The following PDE6A variants were observed in gnomAD, a reference collection of about 807,000 sequenced individuals.
PDE6A encodes rod cGMP-specific 3',5'-cyclic phosphodiesterase subunit alpha.
A neutral mutation model predicts 106.3 loss-of-function variants in PDE6A; 84 were observed. That is an observed-to-expected ratio of 0.79 (90% CI 0.66 to 0.95). The LOEUF (loss-of-function observed/expected upper bound fraction) is 0.95. Among genes scored for constraint, PDE6A ranks in the 40% least tolerant of loss-of-function variants. The pLI, the probability that PDE6A is intolerant of heterozygous loss-of-function variation, is 0.00. For synonymous variants in PDE6A, 394 were observed against 386.6 expected, an observed-to-expected ratio of 1.02 and a Z score of -0.23; for missense variants, 1,052 against 1,084.9, an observed-to-expected ratio of 0.97 and a Z score of 0.43.
rs1760400486 is a variant in PDE6A at position 149,868,134 on chromosome 5, A to G, written c.2160T>C (p.Asp720=). The change falls in exon 18 of 22, where the codon GAT becomes GAC. Residue 720 remains aspartate, a synonymous_variant. Coordinates refer to ENST00000255266, the MANE Select transcript of PDE6A (RefSeq NM_000440.3). ...IVMAMMMTAC[D]LSAITKPWEV... is the part of the protein sequence containing the mutation. ...CCCAGGGTTTGGTGATGGCTGAGAG[A>G]TCACAGGCGGTCATCATCATGGCCC... The G allele has an allele frequency of 6.2e-7, 1 of 1,614,022 alleles. No homozygotes were observed. The highest frequency in any genetic ancestry group is 8.5e-7 in the Non-Finnish European group (1 of 1,180,024).
chr5:149,940,033 A>G (rs1234091463), intron 1 of PDE6A: 1 of 147,518 alleles, frequency 6.8e-6, no homozygotes, highest in African/African-American at 2.5e-5. Flanking sequence ...TTCTTTTTTT[A>G]GGCTAGTCGA....
intron 14 of PDE6A, among the ~76,000 whole-genome samples, chr5:149,885,465 C>A (rs779819222): frequency 6.6e-6 from 1 of 152,234 alleles, no homozygotes; most frequent in East Asian, 1.9e-4. Context: ...GGTTCAAGGA[C>A]TATGCTTTAT....
intron 3 of PDE6A, chr5:149,932,646 G>A (rs1754075608): frequency 6.2e-7 from 1 of 1,613,212 alleles, no homozygotes; most frequent in Non-Finnish European, 8.5e-7. Context: ...CATTTCGTAC[G>A]AATTCGACTA....
intron 17 of PDE6A, among the ~76,000 whole-genome samples, chr5:149,883,109 C>T (rs545436378): frequency 2.0e-5 from 3 of 152,160 alleles, no homozygotes; most frequent in Non-Finnish European, 2.9e-5. Context: ...TAGTGCTTTC[C>T]GTTGTATCAA....
rs569571532 is a variant in PDE6A, at chr5:149,943,927, A to T, written c.474+273T>A. On this transcript the variant is annotated intron_variant, in intron 1 of 21. Transcript: ENST00000255266. ...CAACTTTCTCCCAAATGGGTCAGAG[A>T]AAATGGAGAGAGAAAGCAAATGTGG... is the stretch of plus-strand genomic sequence containing the variant. Among the ~76,000 whole-genome samples, 3 of 152,358 alleles carry T rather than the reference A, an allele frequency of 2.0e-5. No individual in the cohort carries two copies. The South Asian group carries it at 6.2e-4, about 32-fold the overall frequency.
chr5:149,895,834 A>G (rs747561602), intron 12 of PDE6A, among the ~76,000 whole-genome samples: 2 of 152,092 alleles, frequency 1.3e-5, no homozygotes, highest in Admixed American at 6.6e-5. Context: ...TGAATTTCTG[A>G]TAAGTTCTTA....
At chr5:149,930,008 C>A (rs1308867882) in intron 4 of PDE6A, among the ~76,000 whole-genome samples, 3 of 152,182 alleles carry the variant, frequency 2.0e-5, no homozygotes, top group Non-Finnish European at 4.4e-5. Context: ...GCCATCCTCC[C>A]ACCTCAACCT....
rs116328897 is a variant in PDE6A at position 149,917,567 on chromosome 5, G to T, written c.934-2560C>A. On this transcript the variant is annotated intron_variant, in intron 5 of 21. Coordinates refer to ENST00000255266, the MANE Select transcript of PDE6A (RefSeq NM_000440.3). Reference sequence around the variant, plus strand: ...CACTGACTGAATACTTCTAGGAGGCGAGCTCTGGTTAAACAAAAGGCAGAA... The same window carrying T: ...CACTGACTGAATACTTCTAGGAGGCTAGCTCTGGTTAAACAAAAGGCAGAA... Among the ~76,000 whole-genome samples, 429 of 152,264 alleles carry T rather than the reference G, an allele frequency of 2.8e-3. 5 individuals are homozygous for T. The highest frequency in any genetic ancestry group is 9.8e-3 in the African/African-American group (406 of 41,542).
intron 21 of PDE6A, among the ~76,000 whole-genome samples, chr5:149,861,531 T>G (rs1561669001): frequency 6.6e-6 from 1 of 152,028 alleles, no homozygotes; most frequent in Non-Finnish European, 1.5e-5. Context: ...ACACCTGAAG[T>G]CCCAGCTGCT....
chr5:149,868,696 CT>C (rs1456486928), intron 17 of PDE6A, among the ~76,000 whole-genome samples: 3 of 151,930 alleles, frequency 2.0e-5, no homozygotes, highest in African/African-American at 7.2e-5. Flanking sequence ...TTTTTAGATA[CT>C]TTTTCAGTAA....
At chr5:149,879,580 C>G (rs181202203) in intron 17 of PDE6A, among the ~76,000 whole-genome samples, 11,591 of 112,188 alleles carry the variant, frequency 0.1, 624 homozygotes, top group South Asian at 0.25. Flanking sequence ...CCCCCCTCCC[C>G]CCACCCCACA....
rs999611201 is a variant in PDE6A, at chr5:149,860,651, C to T, written c.*244G>A. ...AACATTATGAAATTTTTTTTTTTGG[C>T]GATTTTTTTTTTTAAGTTCAACAGC... On this transcript the variant is annotated 3_prime_UTR_variant, in exon 22 of 22. Coordinates refer to ENST00000255266, the MANE Select transcript of PDE6A (RefSeq NM_000440.3). The T allele has an allele frequency of 1.1e-5, 4 of 352,444 alleles. No individual in the cohort carries two copies. The South Asian group carries it at 2.0e-4, about 18-fold the overall frequency. The allele number at this position is 352,444 out of a possible 1,614,324, so 21.8% of individuals were successfully genotyped here. A position where few individuals can be genotyped will look rare whatever the true frequency, so the allele number is the denominator to read the frequency against.
At chr5:149,908,679 A>T (rs887806667) in intron 6 of PDE6A, among the ~76,000 whole-genome samples, 1 of 149,938 alleles carries the variant, frequency 6.7e-6, no homozygotes, top group African/African-American at 2.4e-5. Context: ...ACTTTTACTC[A>T]TTTTTTGTTC....
intron 20 of PDE6A, among the ~76,000 whole-genome samples, chr5:149,865,424 A>C (rs1760294784): frequency 6.7e-6 from 1 of 149,844 alleles, no homozygotes; most frequent in South Asian, 2.1e-4. Context: ...AAAAAAAAAA[A>C]CCAGCAAAAA....
At chr5:149,861,001 A>G (rs1356171785) in intron 21 of PDE6A, 30 bp from the exon 22 acceptor site, 1 of 1,601,512 alleles carries the variant, frequency 6.2e-7, no homozygotes. Flanking sequence ...AGAACACACC[A>G]GGTGACAAGA....
intron 3 of PDE6A, among the ~76,000 whole-genome samples, chr5:149,933,142 G>A (rs1314904824): frequency 2.6e-5 from 4 of 151,794 alleles, no homozygotes; most frequent in Non-Finnish European, 4.4e-5. Flanking sequence ...ACAGGTGGAC[G>A]CCACTGCACA....
intron 8 of PDE6A, among the ~76,000 whole-genome samples, chr5:149,900,487 A>G (rs1410982123): frequency 6.6e-6 from 1 of 150,464 alleles, no homozygotes; most frequent in Non-Finnish European, 1.5e-5. Context: ...CAGGTTGCTC[A>G]TAATCTGTAA....
intron 1 of PDE6A, among the ~76,000 whole-genome samples, chr5:149,939,123 C>A (rs1014144304): frequency 6.6e-6 from 1 of 152,172 alleles, no homozygotes; most frequent in Non-Finnish European, 1.5e-5. Context: ...GAAGTAAACA[C>A]GTGCAAATAC....
chr5:149,921,156 G>A (rs1035724593), intron 5 of PDE6A, among the ~76,000 whole-genome samples: 2 of 152,176 alleles, frequency 1.3e-5, no homozygotes, highest in Non-Finnish European at 2.9e-5. Context: ...GCCTTGAGTA[G>A]GTTGCTTGAC....
Sources: gnomAD v4.1 joint callset for allele counts (sites outside exome capture counted in the v4.1 genomes callset) on GRCh38, gnomAD v4.1.1 for gene constraint, MANE v1.5 for transcripts, NCBI Gene and HGNC (gene_info 2026-07-23, HGNC 2026-07-21) for gene names.